DNAH11: variants seen among roughly 807,000 people sequenced by gnomAD.
The protein encoded by DNAH11 is axonemal beta dynein heavy chain 11.
A neutral mutation model predicts 526.0 loss-of-function variants in DNAH11; 442 were observed. That is an observed-to-expected ratio of 0.84 (90% CI 0.78 to 0.91). The LOEUF is 0.91. Among genes scored for constraint, DNAH11 ranks in the 40% least tolerant of loss-of-function variants. The pLI is 0.00. For missense variants in DNAH11, 6,989 were observed against 5,448.7 expected, an observed-to-expected ratio of 1.28 and a Z score of -8.90; for synonymous variants, 2,461 against 1,935.9, an observed-to-expected ratio of 1.27 and a Z score of -7.12.
intron 30 of DNAH11, among the ~76,000 whole-genome samples, chr7:21,664,899 G>C (rs1036646499): frequency 6.6e-6 from 1 of 152,078 alleles, no homozygotes; most frequent in Non-Finnish European, 1.5e-5. Flanking sequence ...GAGTATGAGA[G>C]GCACAACTGA....
chr7:21,877,268 A>G (rs562407382), intron 74 of DNAH11, among the ~76,000 whole-genome samples: 14 of 152,250 alleles, frequency 9.2e-5, no homozygotes, highest in African/African-American at 3.4e-4. Context: ...GAAGTGCAGC[A>G]GCACACTTAT....
At position 21,872,385 on chromosome 7, in the gene DNAH11, C is replaced by G. The variant is rs180920415; in HGVS notation, c.11968-889C>G. On this transcript the variant is annotated intron_variant, in intron 73 of 81. Transcript: ENST00000409508. ...TAGAAATTTTAAAGAAGGATACTTG[C>G]ATTATTATTTTGTTCCATGTTTGCC... Among the ~76,000 whole-genome samples the G allele has an allele frequency of 2.4e-4, 36 of 152,184 alleles. No individual in the cohort carries two copies. The South Asian group carries it at 2.9e-3, about 12-fold the overall frequency.
intron 75 of DNAH11, among the ~76,000 whole-genome samples, chr7:21,881,316 G>A (rs963171495): frequency 2.6e-5 from 4 of 152,176 alleles, no homozygotes; most frequent in South Asian, 2.1e-4. Context: ...TTTACAGCGC[G>A]TCACATGTAT....
At chr7:21,660,057 A>C (rs1214145504) in intron 30 of DNAH11, among the ~76,000 whole-genome samples, 4 of 152,112 alleles carry the variant, frequency 2.6e-5, no homozygotes, top group African/African-American at 9.7e-5. Flanking sequence ...TTGAAGTTAC[A>C]GGATTCAATT....
intron 28 of DNAH11, 141 bp from the exon 29 acceptor site, chr7:21,655,691 T>G (rs1781981678): frequency 3.6e-6 from 3 of 826,718 alleles, no homozygotes; most frequent in Non-Finnish European, 5.4e-6. Flanking sequence ...ATTTTAGAAG[T>G]GACTTTTATT....
In DNAH11 at chr7:21,616,182, C is replaced by T. The variant is rs1785773589; in HGVS notation, c.4012-27C>T. On this transcript the variant is annotated intron_variant, in intron 21 of 81. Transcript: ENST00000409508. ...ACTTGCTTTCACCAAATGTTGTTGA[C>T]ACTTTTATCTGCTTTTGCGTTTTCA... 7 of 1,584,568 alleles carry T rather than the reference C, an allele frequency of 4.4e-6. No homozygotes were observed. In the African/African-American group the frequency reaches 6.7e-5, roughly 15 times the overall value.
At chr7:21,672,609 G>T (rs1282755443) in intron 30 of DNAH11, among the ~76,000 whole-genome samples, 1 of 152,226 alleles carries the variant, frequency 6.6e-6, no homozygotes, top group South Asian at 2.1e-4. Context: ...CTTTTCTGCA[G>T]AGTGGCCTCT....
At chr7:21,836,314 C>A (rs1284229074) in intron 65 of DNAH11, among the ~76,000 whole-genome samples, 1 of 150,712 alleles carries the variant, frequency 6.6e-6, no homozygotes, top group Non-Finnish European at 1.5e-5. Flanking sequence ...GCAAAAAAAA[C>A]AAAGCTAGAG....
intron 12 of DNAH11, 51 bp downstream of exon 12, chr7:21,589,454 G>T: frequency 7.1e-7 from 1 of 1,405,694 alleles, no homozygotes; most frequent in South Asian, 1.3e-5. Flanking sequence ...TTTATTATAA[G>T]CCTATTTCTG....
rs772306989 is a variant in DNAH11 at position 21,704,636 on chromosome 7, G to A, written c.6468+8G>A. The A allele has an allele frequency of 1.3e-5, 20 of 1,583,174 alleles. No individual in the cohort carries two copies. The highest frequency in any genetic ancestry group is 1.5e-5 in the Non-Finnish European group (17 of 1,171,222). ...GAGAGCTTCATCCTCAAAGTAAAAG[G>A]AGCATTTGCTTTTCATGGCAGCTGT... On this transcript the variant is annotated splice_region_variant and intron_variant, in intron 38 of 81. Transcript: ENST00000409508.
At chr7:21,864,871 C>T (rs894052666) in intron 70 of DNAH11, among the ~76,000 whole-genome samples, 6 of 152,054 alleles carry the variant, frequency 3.9e-5, no homozygotes, top group South Asian at 2.1e-4. Context: ...CTTATGTATG[C>T]GTGGAAAAGT....
intron 65 of DNAH11, among the ~76,000 whole-genome samples, chr7:21,841,380 C>T (rs900807587): frequency 3.9e-5 from 6 of 152,066 alleles, no homozygotes; most frequent in Non-Finnish European, 7.4e-5. Context: ...TATGTTTAAT[C>T]ACAGAAAGTA....
At chr7:21,715,149 A>T (rs1400659622) in intron 42 of DNAH11, among the ~76,000 whole-genome samples, 1 of 152,256 alleles carries the variant, frequency 6.6e-6, no homozygotes, top group Non-Finnish European at 1.5e-5. Context: ...GGTGAATGAC[A>T]GAGAACTTGA....
chr7:21,767,066 G>C (rs1787215201), intron 55 of DNAH11, among the ~76,000 whole-genome samples: 1 of 152,144 alleles, frequency 6.6e-6, no homozygotes, highest in African/African-American at 2.4e-5. Context: ...ACAAATAATT[G>C]TCATAAATAT....
chr7:21,727,668 T>A (rs1785187115), intron 45 of DNAH11, among the ~76,000 whole-genome samples: 1 of 152,182 alleles, frequency 6.6e-6, no homozygotes, highest in Non-Finnish European at 1.5e-5. Flanking sequence ...GAGCTTATTA[T>A]TTTGGGAGTG....
At chr7:21,671,020 T>A (rs1346034951) in intron 30 of DNAH11, among the ~76,000 whole-genome samples, 1 of 152,198 alleles carries the variant, frequency 6.6e-6, no homozygotes, top group Admixed American at 6.6e-5. Context: ...CAGGGTATAC[T>A]CCTTAGAAGG....
At chr7:21,766,305 A>G (rs990673896) in intron 55 of DNAH11, among the ~76,000 whole-genome samples, 21 of 152,202 alleles carry the variant, frequency 1.4e-4, no homozygotes, top group Non-Finnish European at 1.3e-4. Context: ...CTGGAGATGA[A>G]GTTTTATTCA....
chr7:21,886,256 TATTAG>T (rs1264331109), intron 76 of DNAH11, among the ~76,000 whole-genome samples: 2 of 152,210 alleles, frequency 1.3e-5, no homozygotes, highest in East Asian at 1.9e-4. Flanking sequence ...ATTTAGTGTA[TATTAG>T]ATTAAATCAC....
At chr7:21,853,828 G>A (rs1411760967) in intron 67 of DNAH11, among the ~76,000 whole-genome samples, 1 of 152,216 alleles carries the variant, frequency 6.6e-6, no homozygotes, top group Non-Finnish European at 1.5e-5. Context: ...GTTAGAATTA[G>A]GCATGAGAGT....
Sources: gnomAD v4.1 joint callset for allele counts (sites outside exome capture counted in the v4.1 genomes callset) on GRCh38, gnomAD v4.1.1 for gene constraint, MANE v1.5 for transcripts, NCBI Gene and HGNC (gene_info 2026-07-23, HGNC 2026-07-21) for gene names.